The following KASH5 variants were observed in gnomAD, a reference collection of about 807,000 sequenced individuals.
KASH5 encodes KASH domain containing 5.
A neutral mutation model predicts 84.2 loss-of-function variants in KASH5; 72 were observed. The observed-to-expected ratio is 0.85, with a 90% CI of 0.71 to 1.04. The LOEUF is 1.04. Among genes scored for constraint, KASH5 ranks in the 50% least tolerant of loss-of-function variants. The pLI is 0.00. For missense variants in KASH5, 650 were observed against 701.0 expected, an observed-to-expected ratio of 0.93 and a Z score of 0.82; for synonymous variants, 260 against 279.1, an observed-to-expected ratio of 0.93 and a Z score of 0.68.
At position 49,409,688 on chromosome 19, in the gene KASH5, A is replaced by G. The variant is rs1316354817; in HGVS notation, c.1147-65A>G. On this transcript the variant is annotated intron_variant, in intron 14 of 19. Coordinates refer to ENST00000447857, the MANE Select transcript of KASH5 (RefSeq NM_144688.5). ...CAGCCGCACACCTAAACCTATTTCT[A>G]TCTCTGACCTTGTTTTCTACCTTAA... 8 of 1,603,930 alleles carry G rather than the reference A, an allele frequency of 5.0e-6. No homozygotes were observed. The Admixed American group carries it at 1.2e-4, about 23-fold the overall frequency.
At chr19:49,405,956 CAAAAA>C (rs59895865) in intron 9 of KASH5, among the ~76,000 whole-genome samples, 60 of 67,854 alleles carry the variant, frequency 8.8e-4, no homozygotes, top group African/African-American at 3.4e-3. Context: ...AACTCCGTCT[CAAAAA>C]AAAAAAAAAA....
chr19:49,411,870 TGGAAGGAAGGAAGGAA>T (rs140833512), intron 15 of KASH5, among the ~76,000 whole-genome samples: 1 of 135,750 alleles, frequency 7.4e-6, no homozygotes, highest in Admixed American at 8.0e-5. Context: ...GATACTTGAG[TGGAAGGAAGGAAGGAA>T]GGAAGGATGG....
chr19:49,408,940 A>C, intron 12 of KASH5, 27 bp from the exon 13 acceptor site: 1 of 1,562,098 alleles, frequency 6.4e-7, no homozygotes. Flanking sequence ...GCAGAGCCAA[A>C]TGTGCTCCCC....
chr19:49,400,353 CT>C (rs36066335), intron 9 of KASH5, among the ~76,000 whole-genome samples: 24,856 of 123,764 alleles, frequency 0.2, 2,184 homozygotes, highest in Non-Finnish European at 0.23. Context: ...CTTTTAGTTT[CT>C]TTTTTTTTTT....
At chr19:49,402,399 C>A (rs12983061) in intron 9 of KASH5, among the ~76,000 whole-genome samples, 1 of 128,788 alleles carries the variant, frequency 7.8e-6, no homozygotes, top group Non-Finnish European at 1.8e-5. Context: ...CAAAAAAAAA[C>A]AAAAAAAGTA....
Position 49,406,913 on chromosome 19 carries a change from G to T in KASH5, c.826G>T (p.Gly276Ter). 1.2e-6 allele frequency: 2 copies of T among 1,606,226 alleles called. No individual in the cohort carries two copies. The highest frequency in any genetic ancestry group is 1.7e-6 in the Non-Finnish European group (2 of 1,176,262). ...ENGKLLAERD[G>*]VKKRSQELAM... ...CGGGAAGCTGCTTGCCGAGCGGGAT[G>T]GAGTGAAAAAGAGAAGTCAGGAGCT... Residue 276 changes from glycine to a stop codon, truncating the protein, a stop_gained, in exon 10 of 20, where the codon GGA (glycine) becomes TGA (stop). Coordinates refer to ENST00000447857, the MANE Select transcript of KASH5 (RefSeq NM_144688.5). LOFTEE classifies it high-confidence loss of function.
intron 2 of KASH5, among the ~76,000 whole-genome samples, chr19:49,392,904 T>C (rs1039323087): frequency 1.5e-5 from 2 of 135,700 alleles, no homozygotes; most frequent in African/African-American, 2.8e-5. Context: ...ACAGCGAGAC[T>C]CCATCTCAAA....
intron 12 of KASH5, 151 bp from the exon 13 acceptor site, chr19:49,408,816 G>A (rs1600940457): frequency 2.8e-6 from 2 of 710,474 alleles, no homozygotes; most frequent in East Asian, 2.7e-5. Context: ...ATTCTGTCAT[G>A]GCTTTCTTCC....
Position 49,406,964 on chromosome 19 carries a change from G to T in KASH5, c.876+1G>T. 6.3e-7 allele frequency: 1 copy of T among 1,586,578 alleles called. No homozygotes were observed. The highest frequency in any genetic ancestry group is 8.6e-7 in the Non-Finnish European group (1 of 1,166,374). On this transcript the variant is annotated splice_donor_variant, in intron 10 of 19. Transcript: ENST00000447857. LOFTEE classifies it high-confidence loss of function. ...GGCCATGGAGAAGGACACTTTGAAGGTGCCACTCCTTCCTAGTGCCTGACA... is the reference window on the plus strand; with the variant it reads ...GGCCATGGAGAAGGACACTTTGAAGTTGCCACTCCTTCCTAGTGCCTGACA...
chr19:49,395,800 C>CA lies in KASH5; in HGVS notation c.368dup (p.Ala125SerfsTer15). ...AGAGCTGGAAGAGGAGACCGCCTTC[C>CA]AGGGAGCCCTGACCTCCCGGCAACT... On this transcript the variant is annotated frameshift_variant, in exon 5 of 20. Transcript: ENST00000447857. LOFTEE classifies it high-confidence loss of function. The surrounding 1 kb of genome is among the most constrained non-coding windows in gnomAD (Gnocchi z 4.4). 1 of 1,565,534 alleles carries CA rather than the reference C, an allele frequency of 6.4e-7. No individual in the cohort carries two copies. Among genetic ancestry groups the CA allele is most frequent in the Non-Finnish European group, 8.7e-7 (1 of 1,155,032 alleles).
chr19:49,408,672 TCTC>T (rs1974610224), intron 12 of KASH5, among the ~76,000 whole-genome samples: 1 of 152,176 alleles, frequency 6.6e-6, no homozygotes, highest in Non-Finnish European at 1.5e-5. Flanking sequence ...ATGGTCTCGA[TCTC>T]CTGACCTTGT....
intron 7 of KASH5, 84 bp downstream of exon 7, chr19:49,398,227 T>C (rs12980364): frequency 0.56 from 691,149 of 1,239,104 alleles, 195,933 homozygotes; most frequent in African/African-American, 0.79. Context: ...CCCATGCTCG[T>C]GTCTGCATCC....
rs766521894 is a variant in KASH5 at position 49,395,209 on chromosome 19, T to TG, written c.256dup (p.Glu86GlyfsTer4). On this transcript the variant is annotated frameshift_variant, in exon 4 of 20. Transcript: ENST00000447857. LOFTEE classifies it high-confidence loss of function. The surrounding 1 kb of genome is among the most constrained non-coding windows in gnomAD (Gnocchi z 4.4). ...CATTGGCCAACAGCCTGGACCCCAA[T>TG]GGGGAGGGCCCTAAGGCCACTGTGG... is the stretch of plus-strand genomic sequence containing the variant. 6.2e-7 allele frequency: 1 copy of TG among 1,612,244 alleles called. No homozygotes were observed. Among genetic ancestry groups the TG allele is most frequent in the South Asian group, 1.1e-5 (1 of 90,868 alleles).
Position 49,395,703 on chromosome 19 carries a change from G to T in KASH5, c.336-66G>T, listed in dbSNP as rs1203050729. On this transcript the variant is annotated intron_variant, in intron 4 of 19. Coordinates refer to ENST00000447857, the MANE Select transcript of KASH5 (RefSeq NM_144688.5). The surrounding 1 kb of genome is among the most constrained non-coding windows in gnomAD (Gnocchi z 4.4). ...CCCTCCTCCCACCTGCAATCCCCCT[G>T]CCTGTGGCTGGTGAGGACTGAGGGG... is the stretch of plus-strand genomic sequence containing the variant. 1.8e-5 allele frequency: 27 copies of T among 1,486,316 alleles called. No individual in the cohort carries two copies. Among genetic ancestry groups the T allele is most frequent in the Admixed American group, 1.2e-4 (6 of 50,802 alleles). 92.1% of individuals were successfully genotyped at this position (1,486,316 alleles called of 1,614,324 possible).
chr19:49,399,113 C>A lies in KASH5; in HGVS notation c.718C>A (p.Arg240Ser), dbSNP rs930242469. 3.9e-6 allele frequency: 6 copies of A among 1,551,572 alleles called. No homozygotes were observed. The East Asian group carries it at 1.5e-4, about 38-fold the overall frequency. Reference sequence around the variant, plus strand: ...GGCCAGGAGCCTGGAGGAACAGAATCGCAGCCTTCTGGCCCAAGCCCGGCA... The same window carrying A: ...GGCCAGGAGCCTGGAGGAACAGAATAGCAGCCTTCTGGCCCAAGCCCGGCA... ...TLARSLEEQNRSLLAQARQAE... is the reference protein window; with the variant it reads ...TLARSLEEQNSSLLAQARQAE... The change falls in exon 8 of 20, where the codon CGC (arginine) becomes AGC (serine). Residue 240 changes from arginine to serine, a missense_variant. Physicochemically the swap from Arg to Ser is moderately radical, Grantham distance 110. Transcript: ENST00000447857. The surrounding 1 kb of genome is among the most constrained non-coding windows in gnomAD (Gnocchi z 4.4).
At chr19:49,404,806 G>A (rs1002857770) in intron 9 of KASH5, among the ~76,000 whole-genome samples, 7 of 152,106 alleles carry the variant, frequency 4.6e-5, no homozygotes, top group Non-Finnish European at 7.4e-5. Flanking sequence ...CTCCTGAATG[G>A]CACAATTTGA....
intron 1 of KASH5, among the ~76,000 whole-genome samples, chr19:49,389,380 G>A (rs900619298): frequency 2.1e-4 from 31 of 149,950 alleles, no homozygotes; most frequent in African/African-American, 7.4e-4. Flanking sequence ...TTGAAAGCCC[G>A]CCAAGGCCCA....
intron 2 of KASH5, 59 bp downstream of exon 2, chr19:49,390,985 G>A (rs1973985619): frequency 6.3e-7 from 1 of 1,577,796 alleles, no homozygotes; most frequent in East Asian, 2.3e-5. Context: ...ATGGGTGAAT[G>A]GGTGCCAGGC....
In KASH5 at chr19:49,395,178, T is replaced by G; in HGVS notation, c.221T>G (p.Leu74Arg). Reference sequence around the variant, plus strand: ...GGCCAGGGCCCCCAGGATGCACGCCTCCAAACATTGGCCAACAGCCTGGAC... The same window carrying G: ...GGCCAGGGCCCCCAGGATGCACGCCGCCAAACATTGGCCAACAGCCTGGAC... ...VTGQGPQDAR[L>R]QTLANSLDPN... is the part of the protein sequence containing the mutation. The change falls in exon 4 of 20, where the codon CTC (leucine) becomes CGC (arginine). Residue 74 changes from leucine (L) to arginine (R), a missense_variant. Physicochemically the swap from Leu to Arg is moderately radical, Grantham distance 102. Coordinates refer to ENST00000447857, the MANE Select transcript of KASH5 (RefSeq NM_144688.5). The surrounding 1 kb of genome is among the most constrained non-coding windows in gnomAD (Gnocchi z 4.4). The G allele has an allele frequency of 6.2e-7, 1 of 1,613,132 alleles. No homozygotes were observed. The highest frequency in any genetic ancestry group is 8.5e-7 in the Non-Finnish European group (1 of 1,179,554).
Sources: gnomAD v4.1 joint callset for allele counts (sites outside exome capture counted in the v4.1 genomes callset) on GRCh38, gnomAD v4.1.1 for gene constraint, Gnocchi (gnomAD v3.1) non-coding constraint, MANE v1.5 for transcripts, NCBI Gene and HGNC (gene_info 2026-07-23, HGNC 2026-07-21) for gene names.